Variants in ELOVL2 observed in about 807,000 individuals in gnomAD.
ELOVL2 encodes ELOVL fatty acid elongase 2.
Under a neutral mutation model 37.7 loss-of-function variants are expected in ELOVL2, and 38 were observed. The observed-to-expected ratio is 1.01, with a 90% CI of 0.78 to 1.32. The LOEUF is 1.32. ELOVL2 is among the 40% of genes most tolerant of loss of function. ELOVL2 has a pLI of 0.00. For synonymous variants in ELOVL2, 115 were observed against 122.3 expected (o/e 0.94, Z 0.40); for missense variants, 352 against 363.6 (o/e 0.97, Z 0.26).
intron 7 of ELOVL2, among the ~76,000 whole-genome samples, chr6:10,989,110 T>A (rs998413139): frequency 6.6e-6 from 1 of 152,224 alleles, no homozygotes; most frequent in African/African-American, 2.4e-5. Context: ...TACAAATACA[T>A]ACTGCAAATT....
intron 1 of ELOVL2, among the ~76,000 whole-genome samples, chr6:11,018,631 C>T (rs1316413225): frequency 6.6e-6 from 1 of 152,184 alleles, no homozygotes; most frequent in East Asian, 1.9e-4. Flanking sequence ...GCATTTCTAA[C>T]AAGCTCCCAG....
At chr6:11,010,180 C>T (rs763734269) in intron 2 of ELOVL2, among the ~76,000 whole-genome samples, 1 of 152,026 alleles carries the variant, frequency 6.6e-6, no homozygotes, top group East Asian at 1.9e-4. Context: ...TAAGCCACTA[C>T]GCCTGGCTAA....
rs556847321 is a variant in ELOVL2, at chr6:10,997,159, C to T, written c.334-1981G>A. 7.2e-5 allele frequency among the ~76,000 whole-genome samples: 11 copies of T among 152,074 alleles called. 1 individual carries two copies. The South Asian group carries it at 1.0e-3, about 14-fold the overall frequency. ...CAAATGAACACTCAGCATCCAATGCCGAAATTCAGAATTTTCAATATGATT... is the reference window on the plus strand; with the variant it reads ...CAAATGAACACTCAGCATCCAATGCTGAAATTCAGAATTTTCAATATGATT... On this transcript the variant is annotated intron_variant, in intron 4 of 7. Coordinates refer to ENST00000354666, the MANE Select transcript of ELOVL2 (RefSeq NM_017770.4).
Position 10,983,668 on chromosome 6 carries a change from A to G in ELOVL2, c.*113T>C. The G allele has an allele frequency of 1.7e-6, 2 of 1,161,624 alleles. No individual in the cohort carries two copies. Among genetic ancestry groups the G allele is most frequent in the South Asian group, 3.4e-5 (2 of 59,618 alleles). 72.0% of individuals were successfully genotyped at this position (1,161,624 alleles called of 1,614,324 possible). A position where few individuals can be genotyped will look rare whatever the true frequency, so the allele number is the denominator to read the frequency against. On this transcript the variant is annotated 3_prime_UTR_variant, in exon 8 of 8. Coordinates refer to ENST00000354666, the MANE Select transcript of ELOVL2 (RefSeq NM_017770.4). ...AATACATTCTGGGTACAAATGATTT[A>G]TGAACTCAAAAGAAATTAGTTTATC...
chr6:11,037,902 ATATC>A (rs1019817880), intron 1 of ELOVL2, among the ~76,000 whole-genome samples: 2 of 152,240 alleles, frequency 1.3e-5, no homozygotes, highest in African/African-American at 4.8e-5. Flanking sequence ...GTATATATCC[ATATC>A]TATCTATCCA....
At chr6:11,016,654 T>C (rs1348031782) in intron 1 of ELOVL2, among the ~76,000 whole-genome samples, 1 of 152,168 alleles carries the variant, frequency 6.6e-6, no homozygotes, top group East Asian at 1.9e-4. Flanking sequence ...GGAGACAGAC[T>C]AGAGTCACAC....
chr6:11,014,277 G>A (rs1417987642), intron 1 of ELOVL2, among the ~76,000 whole-genome samples: 5 of 152,064 alleles, frequency 3.3e-5, no homozygotes, highest in African/African-American at 9.7e-5. Context: ...AGAGGAGTTC[G>A]AAACCGGTTT....
intron 4 of ELOVL2, among the ~76,000 whole-genome samples, chr6:10,998,225 A>G (rs1460158128): frequency 6.6e-6 from 1 of 152,182 alleles, no homozygotes; most frequent in Non-Finnish European, 1.5e-5. Context: ...CCATGAGCCA[A>G]AATGAAACTC....
rs376639413 is a variant in ELOVL2, at chr6:11,029,223, C to CAAAAAAA, written c.3+14998_3+15004dup. Among the ~76,000 whole-genome samples, 435 of 75,704 alleles carry CAAAAAAA rather than the reference C, an allele frequency of 5.7e-3. 27 individuals are homozygous for CAAAAAAA. Among genetic ancestry groups the CAAAAAAA allele is most frequent in the African/African-American group, 0.017 (327 of 19,272 alleles). The allele number at this position is 75,704 out of a possible 152,430, so 49.7% of individuals were successfully genotyped here. On this transcript the variant is annotated intron_variant, in intron 1 of 7. Coordinates refer to ENST00000354666, the MANE Select transcript of ELOVL2 (RefSeq NM_017770.4). ...AGCCCGGGGCGACAGAGGGAGATCT[C>CAAAAAAA]AAAAAAAAAAAAAAAAAAAAAAAAA...
intron 6 of ELOVL2, 31 bp from the exon 7 acceptor site, chr6:10,989,868 G>GC: frequency 1.9e-6 from 3 of 1,613,368 alleles, no homozygotes; most frequent in Non-Finnish European, 2.5e-6. Flanking sequence ...ATCTCTGTGA[G>GC]CGAGCCAGGC....
chr6:11,028,713 T>C (rs1782873104), intron 1 of ELOVL2, among the ~76,000 whole-genome samples: 3 of 151,896 alleles, frequency 2.0e-5, no homozygotes, highest in African/African-American at 7.3e-5. Flanking sequence ...TAGTAATATA[T>C]TTATTATAAA....
chr6:11,029,269 G>A (rs1375932851), intron 1 of ELOVL2, among the ~76,000 whole-genome samples: 2 of 148,974 alleles, frequency 1.3e-5, no homozygotes, highest in Non-Finnish European at 3.0e-5. Context: ...CATTCAGTGT[G>A]GTTCACTGCA....
At chr6:10,985,348 A>G (rs1782029748) in intron 7 of ELOVL2, among the ~76,000 whole-genome samples, 1 of 151,724 alleles carries the variant, frequency 6.6e-6, no homozygotes, top group Non-Finnish European at 1.5e-5. Context: ...TTTGCTGTGC[A>G]GAAGTTCTTT....
At chr6:11,006,882 A>C (rs1252775124) in intron 2 of ELOVL2, among the ~76,000 whole-genome samples, 2 of 152,208 alleles carry the variant, frequency 1.3e-5, no homozygotes, top group African/African-American at 4.8e-5. Context: ...TGCCCAGATA[A>C]AGGTCCTGAC....
intron 3 of ELOVL2, among the ~76,000 whole-genome samples, chr6:11,002,649 C>T (rs1192582597): frequency 6.6e-6 from 1 of 152,198 alleles, no homozygotes; most frequent in African/African-American, 2.4e-5. Context: ...AGTGCAGATA[C>T]GTTCTTCCTA....
intron 1 of ELOVL2, among the ~76,000 whole-genome samples, chr6:11,027,942 C>A (rs1782863740): frequency 6.6e-6 from 1 of 152,188 alleles, no homozygotes; most frequent in South Asian, 2.1e-4. Context: ...TCAATAGAGC[C>A]CTCAGAAGTG....
chr6:11,038,111 AT>A (rs57247828), intron 1 of ELOVL2, among the ~76,000 whole-genome samples: 2,771 of 152,244 alleles, frequency 0.018, 71 homozygotes, highest in African/African-American at 0.062. Context: ...CCTTGGGCAA[AT>A]TATTTATCTT....
chr6:11,017,880 C>G (rs1276764774), intron 1 of ELOVL2, among the ~76,000 whole-genome samples: 1 of 152,176 alleles, frequency 6.6e-6, no homozygotes, highest in Non-Finnish European at 1.5e-5. Context: ...ACATAATGGG[C>G]ACTTAATATT....
In ELOVL2 at chr6:11,026,410, T is replaced by A. The variant is rs150163043; in HGVS notation, c.4-15601A>T. ...CCAGCAAGTAGTAGTGCCGTTTGGG[T>A]CGGGCTGTGCTAGGCTGCCAAGATA... On this transcript the variant is annotated intron_variant, in intron 1 of 7. Transcript: ENST00000354666. 8.5e-5 allele frequency among the ~76,000 whole-genome samples: 13 copies of A among 152,212 alleles called. No homozygotes were observed. In the East Asian group the frequency reaches 2.5e-3, roughly 29 times the overall value.
Sources: allele counts gnomAD v4.1 joint callset (sites outside exome capture counted in the v4.1 genomes callset), GRCh38; gene constraint gnomAD v4.1.1; transcripts MANE v1.5; gene names NCBI Gene and HGNC (gene_info 2026-07-23, HGNC 2026-07-21).